ROBO2: variants seen among roughly 807,000 people sequenced by gnomAD.
ROBO2 encodes the protein roundabout guidance receptor 2.
In ROBO2, 53 loss-of-function variants were observed where a neutral mutation model predicts 160.8. The ratio of observed to expected loss-of-function variants is 0.33; its 90% CI spans 0.26 to 0.41. ROBO2 has a LOEUF of 0.41. ROBO2 is among the 10% of genes least tolerant of loss of function. The pLI is 1.00. For missense variants in ROBO2, 1,577 were observed against 1,722.4 expected (o/e 0.92, Z 1.49); for synonymous variants, 664 against 611.7 (o/e 1.09, Z -1.26).
At chr3:77,333,730 T>C (rs944765250) in intron 2 of ROBO2, among the ~76,000 whole-genome samples, 11 of 152,228 alleles carry the variant, frequency 7.2e-5, no homozygotes, top group Non-Finnish European at 2.9e-5. Context: ...ACTTAATTGG[T>C]ATAACTAATT....
intron 2 of ROBO2, among the ~76,000 whole-genome samples, chr3:75,979,471 T>G (rs2065220756): frequency 6.6e-6 from 1 of 151,474 alleles, no homozygotes; most frequent in African/African-American, 2.4e-5. Context: ...TGGATAAGTT[T>G]ATCTAGTAAG....
chr3:76,679,357 A>T (rs778735892), intron 2 of ROBO2, among the ~76,000 whole-genome samples: 2 of 152,120 alleles, frequency 1.3e-5, no homozygotes, highest in African/African-American at 2.4e-5. Context: ...ATCAATGTTT[A>T]TATTTTGTGT....
At chr3:76,147,448 CTTTA>C (rs1455980116) in intron 2 of ROBO2, among the ~76,000 whole-genome samples, 11 of 151,668 alleles carry the variant, frequency 7.3e-5, no homozygotes, top group African/African-American at 2.7e-4. Flanking sequence ...ATATTACAAT[CTTTA>C]TTTATAAAGT....
intron 2 of ROBO2, among the ~76,000 whole-genome samples, chr3:76,938,365 C>CT (rs34507880): frequency 2.0e-5 from 3 of 147,922 alleles, no homozygotes; most frequent in Non-Finnish European, 4.5e-5. Context: ...ACCTACCCCC[C>CT]CCAAAAAAGG....
In ROBO2 at chr3:76,464,761, T is replaced by G. The variant is rs151080572; in HGVS notation, c.109+527159T>G. 5.6e-3 allele frequency among the ~76,000 whole-genome samples: 852 copies of G among 152,274 alleles called. 6 individuals are homozygous for G. The highest frequency in any genetic ancestry group is 0.017 in the Middle Eastern group (5 of 294). The stretch of plus-strand genomic sequence containing the variant: ...TCAAGTTTTCAAGATTAAATGGATA[T>G]TGTAGTTTAATTAAGGAATGATGTA... On this transcript the variant is annotated intron_variant, in intron 2 of 26. Transcript: ENST00000487694.
chr3:76,353,034 C>T (rs1164387121), intron 2 of ROBO2, among the ~76,000 whole-genome samples: 1 of 151,968 alleles, frequency 6.6e-6, no homozygotes, highest in Non-Finnish European at 1.5e-5. Flanking sequence ...TCTAACTTAG[C>T]AGTCACCGTC....
chr3:76,770,515 C>T (rs267131), intron 2 of ROBO2, among the ~76,000 whole-genome samples: 102,475 of 150,854 alleles, frequency 0.68, 35,594 homozygotes, highest in Non-Finnish European at 0.76. Context: ...AGGGTCAGGG[C>T]GATCTGTGAG....
rs181742949 is a variant in ROBO2 at position 76,059,413 on chromosome 3, T to G, written c.109+121811T>G. ...CTCTGATGACCAGTGATGATGAGCA[T>G]TTTTTCATGTGTTTTCTGGCTGCAT... On this transcript the variant is annotated intron_variant, in intron 2 of 26. Coordinates refer to the ROBO2 transcript ENST00000487694. Among the ~76,000 whole-genome samples the G allele has an allele frequency of 1.1e-4, 17 of 152,332 alleles. No individual in the cohort carries two copies. In the East Asian group the frequency reaches 3.1e-3, roughly 28 times the overall value.
chr3:76,879,393 G>C (rs2073111937), intron 2 of ROBO2, among the ~76,000 whole-genome samples: 1 of 152,054 alleles, frequency 6.6e-6, no homozygotes, highest in South Asian at 2.1e-4. Flanking sequence ...AGAGGTCCAT[G>C]AAATATCATT....
At chr3:76,166,622 T>A (rs2072849853) in intron 2 of ROBO2, among the ~76,000 whole-genome samples, 1 of 152,130 alleles carries the variant, frequency 6.6e-6, no homozygotes. Context: ...ATAGCCCCGT[T>A]CAGCTATAAT....
At chr3:76,242,814 G>C (rs1705375873) in intron 2 of ROBO2, among the ~76,000 whole-genome samples, 1 of 152,108 alleles carries the variant, frequency 6.6e-6, no homozygotes, top group Non-Finnish European at 1.5e-5. Flanking sequence ...GAGCCCGGGA[G>C]TTGAAGCCGC....
intron 2 of ROBO2, among the ~76,000 whole-genome samples, chr3:76,113,127 GAAAT>G (rs893171780): frequency 3.4e-4 from 52 of 151,798 alleles, no homozygotes; most frequent in Non-Finnish European, 1.2e-4. Context: ...AAGAAGATGA[GAAAT>G]AAAAAATTTT....
At chr3:76,596,524 C>T (rs1010907073) in intron 2 of ROBO2, among the ~76,000 whole-genome samples, 1 of 152,086 alleles carries the variant, frequency 6.6e-6, no homozygotes, top group African/African-American at 2.4e-5. Flanking sequence ...ATCTTGAACT[C>T]TCTGAGCCCT....
chr3:77,059,983 C>A (rs192967644), intron 1 of ROBO2, among the ~76,000 whole-genome samples: 19 of 152,230 alleles, frequency 1.2e-4, no homozygotes. Flanking sequence ...TACCAAGAGA[C>A]TGAAGTATGC....
At chr3:76,984,445 C>A (rs577683205) in intron 2 of ROBO2, among the ~76,000 whole-genome samples, 15 of 152,264 alleles carry the variant, frequency 9.9e-5, no homozygotes, top group African/African-American at 3.6e-4. Context: ...GAAAATTAGA[C>A]CCGTGACCTT....
chr3:77,322,451 T>C (rs1018602534), intron 2 of ROBO2, among the ~76,000 whole-genome samples: 15 of 152,084 alleles, frequency 9.9e-5, no homozygotes, highest in African/African-American at 2.7e-4. Context: ...TCAGTCCTAA[T>C]TGGGAGTGGG....
At chr3:77,113,680 T>A (rs1017744610) in intron 2 of ROBO2, among the ~76,000 whole-genome samples, 1 of 152,212 alleles carries the variant, frequency 6.6e-6, no homozygotes, top group Non-Finnish European at 1.5e-5. Flanking sequence ...ACTTGAGGAC[T>A]GCATGGTTGT....
At position 77,190,212 on chromosome 3, in the gene ROBO2, C is replaced by A. The variant is rs115761471; in HGVS notation, c.388+91872C>A. ...TCTATATTAAACATGGGTTGTATTC[C>A]AAACATTTATGAAAGACTAGTGTAC... is the stretch of plus-strand genomic sequence containing the variant. On this transcript the variant is annotated intron_variant, in intron 2 of 25. Coordinates refer to ENST00000461745, the Ensembl canonical transcript of ROBO2. 3.9e-3 allele frequency among the ~76,000 whole-genome samples: 591 copies of A among 151,920 alleles called. 5 individuals carry two copies. Among genetic ancestry groups the A allele is most frequent in the African/African-American group, 0.014 (573 of 41,510 alleles).
At chr3:76,104,419 A>G (rs1362569096) in intron 2 of ROBO2, among the ~76,000 whole-genome samples, 1 of 152,200 alleles carries the variant, frequency 6.6e-6, no homozygotes, top group Non-Finnish European at 1.5e-5. Context: ...GATAGTATAC[A>G]GACTTGAGAC....
Sources: gnomAD v4.1 joint callset for allele counts (sites outside exome capture counted in the v4.1 genomes callset) on GRCh38, gnomAD v4.1.1 for gene constraint, MANE v1.5 for transcripts, NCBI Gene and HGNC (gene_info 2026-07-23, HGNC 2026-07-21) for gene names.